The following MMP16 variants were observed in gnomAD, a reference collection of about 807,000 sequenced individuals.
MMP16 encodes the protein matrix metalloproteinase-16.
MMP16 carries 12 observed loss-of-function variants against 67.8 expected under a neutral mutation model. That is an observed-to-expected ratio of 0.18 (90% CI 0.11 to 0.29). The LOEUF (loss-of-function observed/expected upper bound fraction) is 0.29. Ranked by LOEUF, MMP16 falls within the 10% of genes least tolerant of loss-of-function variation. MMP16 has a pLI of 1.00. For synonymous variants in MMP16, 249 were observed against 255.9 expected (o/e 0.97, Z 0.26); for missense variants, 475 against 765.7 (o/e 0.62, Z 4.48).
chr8:88,296,837 A>G (rs1263160906), intron 1 of MMP16, among the ~76,000 whole-genome samples: 5 of 144,732 alleles, frequency 3.5e-5, no homozygotes, highest in African/African-American at 1.0e-4. Context: ...AAAGTCAGAC[A>G]CTGCCTAAAA....
At chr8:88,311,090 T>G (rs949294185) in intron 1 of MMP16, among the ~76,000 whole-genome samples, 5 of 152,282 alleles carry the variant, frequency 3.3e-5, no homozygotes, top group Admixed American at 1.3e-4. Flanking sequence ...AAGAATAAGT[T>G]ATTATAAATG....
intron 4 of MMP16, among the ~76,000 whole-genome samples, chr8:88,154,638 A>C (rs1342222628): frequency 3.3e-5 from 5 of 149,996 alleles, no homozygotes; most frequent in African/African-American, 9.8e-5. Flanking sequence ...AACACCGCAT[A>C]TTCTCACTCA....
chr8:88,163,737 A>G (rs1166858015), intron 4 of MMP16, among the ~76,000 whole-genome samples: 3 of 152,086 alleles, frequency 2.0e-5, no homozygotes, highest in Non-Finnish European at 2.9e-5. Context: ...CTCAAAATAA[A>G]TCTTAACATT....
chr8:88,153,839 T>C (rs939715440), intron 4 of MMP16, among the ~76,000 whole-genome samples: 6 of 151,748 alleles, frequency 4.0e-5, no homozygotes, highest in African/African-American at 4.8e-5. Flanking sequence ...CCAAAAGCAA[T>C]GGCAACAAAA....
rs572132963 is a variant in MMP16, at chr8:88,157,444, T to C, written c.709+10225A>G. 7.2e-5 allele frequency among the ~76,000 whole-genome samples: 11 copies of C among 151,952 alleles called. 1 individual carries two copies. In the South Asian group the frequency reaches 2.3e-3, roughly 32 times the overall value. ...AGGGAGTCCTCCCGTTCCCCAAAGA[T>C]ACCAGGGGATGGCATATAAATCCCT... On this transcript the variant is annotated intron_variant, in intron 4 of 9. Transcript: ENST00000286614.
chr8:88,088,557 T>G (rs769377977), intron 6 of MMP16, among the ~76,000 whole-genome samples: 3 of 152,044 alleles, frequency 2.0e-5, no homozygotes, highest in Non-Finnish European at 4.4e-5. Context: ...GAAAGATTCC[T>G]AAGTGACTTT....
At chr8:88,299,168 A>C (rs577458929) in intron 1 of MMP16, among the ~76,000 whole-genome samples, 1 of 152,218 alleles carries the variant, frequency 6.6e-6, no homozygotes, top group South Asian at 2.1e-4. Flanking sequence ...CGACACATGC[A>C]TCTGTTCCCA....
intron 4 of MMP16, among the ~76,000 whole-genome samples, chr8:88,133,490 T>C (rs1808068051): frequency 6.6e-6 from 1 of 151,804 alleles, no homozygotes; most frequent in Admixed American, 6.6e-5. Flanking sequence ...CTTTTAATGT[T>C]TGAGTTATAG....
At chr8:88,304,622 A>T (rs1054168300) in intron 1 of MMP16, among the ~76,000 whole-genome samples, 10 of 152,240 alleles carry the variant, frequency 6.6e-5, no homozygotes, top group African/African-American at 2.4e-4. Flanking sequence ...TACAAGGCAG[A>T]AGAGATTGGG....
At chr8:88,212,847 C>A (rs13261169) in intron 1 of MMP16, among the ~76,000 whole-genome samples, 15 of 152,044 alleles carry the variant, frequency 9.9e-5, no homozygotes, top group South Asian at 2.1e-4. Flanking sequence ...CACATATCTA[C>A]GTATTATGTG....
chr8:88,127,518 CCATTATTA>C (rs940095441), intron 4 of MMP16, among the ~76,000 whole-genome samples: 2 of 151,624 alleles, frequency 1.3e-5, no homozygotes, highest in Non-Finnish European at 2.9e-5. Context: ...TGACCAACAA[CCATTATTA>C]CATTATTACA....
intron 3 of MMP16, among the ~76,000 whole-genome samples, chr8:88,185,667 C>T (rs535455259): frequency 2.0e-5 from 3 of 152,272 alleles, no homozygotes; most frequent in Non-Finnish European, 2.9e-5. Context: ...TTCCTCTTCT[C>T]CTGCCCATTG....
chr8:88,266,210 C>T (rs1810474526), intron 1 of MMP16, among the ~76,000 whole-genome samples: 1 of 152,126 alleles, frequency 6.6e-6, no homozygotes, highest in African/African-American at 2.4e-5. Context: ...GTACAACCCA[C>T]GATGGAAACC....
intron 1 of MMP16, among the ~76,000 whole-genome samples, chr8:88,285,291 C>G (rs1810809880): frequency 6.6e-6 from 1 of 152,070 alleles, no homozygotes; most frequent in East Asian, 1.9e-4. Context: ...AGGCGCCTGC[C>G]ACCACGCCCA....
chr8:88,194,301 C>T (rs914239022), intron 2 of MMP16, among the ~76,000 whole-genome samples: 1 of 151,794 alleles, frequency 6.6e-6, no homozygotes, highest in African/African-American at 2.4e-5. Flanking sequence ...TTCATAGCAT[C>T]GAAAATGGTT....
intron 1 of MMP16, among the ~76,000 whole-genome samples, chr8:88,284,836 CT>C (rs757759799): frequency 0.06 from 8,479 of 142,490 alleles, 233 homozygotes; most frequent in Middle Eastern, 0.089. Flanking sequence ...TTCTCTATGC[CT>C]TTTTTTTTTT....
chr8:88,202,165 C>A (rs924066039), intron 1 of MMP16, among the ~76,000 whole-genome samples: 1 of 152,110 alleles, frequency 6.6e-6, no homozygotes, highest in Non-Finnish European at 1.5e-5. Flanking sequence ...ATTTTACCAT[C>A]TCTTTAATGG....
chr8:88,090,409 G>GA (rs1460571376), intron 6 of MMP16, among the ~76,000 whole-genome samples: 1 of 151,778 alleles, frequency 6.6e-6, no homozygotes, highest in Non-Finnish European at 1.5e-5. Context: ...TCTTCCTGTG[G>GA]AAAATTAAAG....
chr8:88,226,961 A>T (rs1251494364), intron 1 of MMP16, among the ~76,000 whole-genome samples: 3 of 152,000 alleles, frequency 2.0e-5, no homozygotes, highest in Non-Finnish European at 4.4e-5. Flanking sequence ...GAAAACAATA[A>T]CTAGGGATTT....
Sources: allele counts gnomAD v4.1 joint callset (sites outside exome capture counted in the v4.1 genomes callset), GRCh38; gene constraint gnomAD v4.1.1; transcripts MANE v1.5; gene names NCBI Gene and HGNC (gene_info 2026-07-23, HGNC 2026-07-21).